The following HMOX1 variants were observed in gnomAD, a reference collection of about 807,000 sequenced individuals.
HMOX1 encodes heme oxygenase 1, also known as heat shock protein, 32-kD.
A neutral mutation model predicts 27.8 loss-of-function variants in HMOX1; 22 were observed. That is an observed-to-expected ratio of 0.79 (90% CI 0.57 to 1.13). The LOEUF (loss-of-function observed/expected upper bound fraction) is 1.13. Ranked by LOEUF, HMOX1 falls within the 50% of genes most tolerant of loss-of-function variation. The probability of loss-of-function intolerance (pLI) is 0.00; values close to 1 mark genes in which losing one functional copy is unlikely to be tolerated. For synonymous variants in HMOX1, 153 were observed against 151.6 expected (o/e 1.01, Z -0.07); for missense variants, 379 against 377.7 (o/e 1.00, Z -0.03).
At chr22:35,383,015 T>C in intron 1 of HMOX1, 91 bp from the exon 2 acceptor site, 2 of 1,566,756 alleles carry the variant, frequency 1.3e-6, no homozygotes, top group South Asian at 1.1e-5. Context: ...GGGAGTCTCT[T>C]GAAGGCCTGC....
At chr22:35,389,383 CCTTCCTTCCTTCCTTT>C (rs1340310698) in intron 3 of HMOX1, among the ~76,000 whole-genome samples, 110 of 58,334 alleles carry the variant, frequency 1.9e-3, no homozygotes, top group South Asian at 5.1e-3. Flanking sequence ...TTCCTTCCTT[CCTTCCTTCCTTCCTTT>C]CTTTCTTTCT....
Position 35,393,531 on chromosome 22 carries a change from T to G in HMOX1, c.800T>G (p.Leu267Arg). ...CTCAACACCCGCTCCCAGGCTCCGC[T>G]TCTCCGATGGGTCCTTACACTCAGC... ...PPLNTRSQAP[L>R]LRWVLTLSFL... is the part of the protein sequence containing the mutation. Residue 267 changes from leucine to arginine, a missense_variant, in exon 5 of 5, where the codon CTT becomes CGT. Coordinates refer to ENST00000216117, the MANE Select transcript of HMOX1 (RefSeq NM_002133.3). 6 of 1,614,218 alleles carry G rather than the reference T, an allele frequency of 3.7e-6. No individual in the cohort carries two copies. Among genetic ancestry groups the G allele is most frequent in the Non-Finnish European group, 5.1e-6 (6 of 1,180,034 alleles).
chr22:35,392,144 A>G (rs936860964), intron 4 of HMOX1, among the ~76,000 whole-genome samples: 1 of 150,544 alleles, frequency 6.6e-6, no homozygotes, highest in Non-Finnish European at 1.5e-5. Flanking sequence ...GAATCTCCTA[A>G]GTCCGGGAGG....
rs189826763 is a variant in HMOX1, at chr22:35,383,914, C to A, written c.144+688C>A. On this transcript the variant is annotated intron_variant, in intron 2 of 4. Transcript: ENST00000216117. ...TAGAAGGAAAGCACTTGATGAAGAA[C>A]CGGGAAGATACTGGGTGTTAAAACA... Among the ~76,000 whole-genome samples the A allele has an allele frequency of 2.3e-3, 343 of 152,080 alleles. 1 individual carries two copies. The highest frequency in any genetic ancestry group is 0.012 in the Admixed American group (179 of 15,254).
At chr22:35,393,427 A>G in intron 4 of HMOX1, 41 bp from the exon 5 acceptor site, 1 of 1,613,564 alleles carries the variant, frequency 6.2e-7, no homozygotes, top group Non-Finnish European at 8.5e-7. Flanking sequence ...ACCCTGATGC[A>G]CGCCCACCTG....
chr22:35,384,453 G>A (rs1489654350), intron 2 of HMOX1, among the ~76,000 whole-genome samples: 1 of 151,944 alleles, frequency 6.6e-6, no homozygotes, highest in Admixed American at 6.6e-5. Context: ...CCTGTAATGG[G>A]TCTTCCTCAT....
intron 3 of HMOX1, among the ~76,000 whole-genome samples, chr22:35,387,656 G>C (rs775609252): frequency 6.6e-6 from 1 of 152,244 alleles, no homozygotes; most frequent in Non-Finnish European, 1.5e-5. Flanking sequence ...CTTTCTACAA[G>C]TGTCTCAAAT....
At chr22:35,389,395 C>CCTTCCTTCCTTTCTTTCTTT (rs1555901604) in intron 3 of HMOX1, among the ~76,000 whole-genome samples, 32 of 51,796 alleles carry the variant, frequency 6.2e-4, no homozygotes, top group Non-Finnish European at 6.2e-4. Flanking sequence ...TTCCTTCCTT[C>CCTTCCTTCCTTTCTTTCTTT]CTTTCTTTCT....
At chr22:35,381,242 A>C (rs1463548862) in intron 1 of HMOX1, 46 bp downstream of exon 1, 1 of 1,541,130 alleles carries the variant, frequency 6.5e-7, no homozygotes, top group East Asian at 2.4e-5. Flanking sequence ...TTCTCTCCCA[A>C]CCCTGCTTGC....
At position 35,389,277 on chromosome 22, in the gene HMOX1, CT is replaced by C. The variant is rs57820162; in HGVS notation, c.637-586del. ...CTCTCTCTCTCTCTCTCTCTCTCCT[CT>C]CTCTCTCTCTCTTCTTTCTTCTTTC... On this transcript the variant is annotated intron_variant, in intron 3 of 4. Coordinates refer to ENST00000216117, the MANE Select transcript of HMOX1 (RefSeq NM_002133.3). Among the ~76,000 whole-genome samples the C allele has an allele frequency of 1.6e-3, 175 of 108,906 alleles. 34 individuals carry two copies. Among genetic ancestry groups the C allele is most frequent in the African/African-American group, 6.7e-3 (130 of 19,520 alleles). 71.4% of individuals were successfully genotyped at this position (108,906 alleles called of 152,430 possible).
rs1277049116 is a variant in HMOX1, at chr22:35,389,405, T to C, written c.637-459T>C. ...CTTCCTTCCTTCCTTCCTTTCTTTC[T>C]TTCTTTCTTTCTTTCTTTCTTTCTA... On this transcript the variant is annotated intron_variant, in intron 3 of 4. Coordinates refer to ENST00000216117, the MANE Select transcript of HMOX1 (RefSeq NM_002133.3). Among the ~76,000 whole-genome samples the C allele has an allele frequency of 3.0e-5, 3 of 98,712 alleles. 1 individual carries two copies. The highest frequency in any genetic ancestry group is 2.6e-4 in the African/African-American group (3 of 11,712). 64.8% of individuals were successfully genotyped at this position (98,712 alleles called of 152,430 possible).
chr22:35,392,492 C>T (rs1472137276), intron 4 of HMOX1, among the ~76,000 whole-genome samples: 1 of 152,008 alleles, frequency 6.6e-6, no homozygotes, highest in Non-Finnish European at 1.5e-5. Context: ...TTCCTGTGAC[C>T]GCAGCCCTGG....
At position 35,381,177 on chromosome 22, in the gene HMOX1, G is replaced by A; in HGVS notation, c.4G>A (p.Glu2Lys). Residue 2 changes from glutamate (E) to lysine (K), a missense_variant, in exon 1 of 5, where the codon GAG (glutamate) becomes AAG (lysine). Coordinates refer to ENST00000216117, the MANE Select transcript of HMOX1 (RefSeq NM_002133.3). ...GAACGAGCCCAGCACCGGCCGGATGGAGCGTCCGCAACCCGACAGGCAAGC... is the reference window on the plus strand; with the variant it reads ...GAACGAGCCCAGCACCGGCCGGATGAAGCGTCCGCAACCCGACAGGCAAGC... MERPQPDSMPQD... is the reference protein window; with the variant it reads MKRPQPDSMPQD... 6.5e-7 allele frequency: 1 copy of A among 1,544,114 alleles called. No individual in the cohort carries two copies.
At chr22:35,389,395 C>CCTTCCTTCCTTCCTTTCTTCCTTTCTTT (rs1555901604) in intron 3 of HMOX1, among the ~76,000 whole-genome samples, 1 of 51,786 alleles carries the variant, frequency 1.9e-5, no homozygotes, top group Non-Finnish European at 3.4e-5. Context: ...TTCCTTCCTT[C>CCTTCCTTCCTTCCTTTCTTCCTTTCTTT]CTTTCTTTCT....
intron 3 of HMOX1, among the ~76,000 whole-genome samples, chr22:35,389,231 T>TTC (rs1555901542): frequency 6.6e-5 from 9 of 137,138 alleles, no homozygotes; most frequent in Non-Finnish European, 1.0e-4. Flanking sequence ...CTTTCTTTCT[T>TTC]TCTTTCTTTT....
chr22:35,386,404 G>T (rs1425969164), intron 2 of HMOX1, among the ~76,000 whole-genome samples: 2 of 152,216 alleles, frequency 1.3e-5, no homozygotes, highest in Non-Finnish European at 2.9e-5. Flanking sequence ...CCACCACACT[G>T]GGCCAGTTTG....
At chr22:35,383,990 G>T (rs569627027) in intron 2 of HMOX1, among the ~76,000 whole-genome samples, 35 of 152,192 alleles carry the variant, frequency 2.3e-4, no homozygotes, top group Non-Finnish European at 4.4e-4. Flanking sequence ...TGGGGGTGGG[G>T]AGTAGGGAGC....
Position 35,386,771 on chromosome 22 carries a change from C to A in HMOX1, c.231C>A (p.Val77=). The A allele has an allele frequency of 6.2e-7, 1 of 1,614,232 alleles. No individual in the cohort carries two copies. The highest frequency in any genetic ancestry group is 8.5e-7 in the Non-Finnish European group (1 of 1,180,032). The part of the protein sequence containing the change: ...RNKESPVFAP[V]YFPEELHRKA... ...AGGAGAGCCCAGTCTTCGCCCCTGTCTACTTCCCAGAAGAGCTGCACCGCA... is the reference window on the plus strand; with the variant it reads ...AGGAGAGCCCAGTCTTCGCCCCTGTATACTTCCCAGAAGAGCTGCACCGCA... Residue 77 remains valine, a synonymous_variant, in exon 3 of 5, where the codon GTC becomes GTA. Transcript: ENST00000216117.
At chr22:35,388,423 G>A (rs961483628) in intron 3 of HMOX1, among the ~76,000 whole-genome samples, 6 of 151,774 alleles carry the variant, frequency 4.0e-5, no homozygotes, top group Admixed American at 1.3e-4. Flanking sequence ...CTGCACTCCA[G>A]CCTGGGCAAC....
Sources: allele counts gnomAD v4.1 joint callset (sites outside exome capture counted in the v4.1 genomes callset), GRCh38; gene constraint gnomAD v4.1.1; transcripts MANE v1.5; gene names NCBI Gene and HGNC (gene_info 2026-07-23, HGNC 2026-07-21).